The following ELP4 variants were observed in gnomAD, a reference collection of about 807,000 sequenced individuals.
ELP4 encodes the protein elongator acetyltransferase complex subunit 4, also known as elongator complex protein 4.
A neutral mutation model predicts 48.9 loss-of-function variants in ELP4; 51 were observed. The observed-to-expected ratio is 1.04, with a 90% CI of 0.83 to 1.32. The LOEUF (loss-of-function observed/expected upper bound fraction) is 1.32, where lower values mean the gene tolerates loss of function less well. Ranked by LOEUF, ELP4 falls within the 40% of genes most tolerant of loss-of-function variation. The pLI, the probability that ELP4 is intolerant of heterozygous loss-of-function variation, is 0.00. For synonymous variants in ELP4, 210 were observed against 189.2 expected, an observed-to-expected ratio of 1.11 and a Z score of -0.90; for missense variants, 519 against 514.6, an observed-to-expected ratio of 1.01 and a Z score of -0.08.
rs1948775329 is a variant in ELP4, at chr11:31,787,851, T to C, written c.*4327T>C. ...CAGTAGATATTGAACGAGAAGGTCATGTTTAAATCCTTCCATTAATTTCTA... is the reference window on the plus strand; with the variant it reads ...CAGTAGATATTGAACGAGAAGGTCACGTTTAAATCCTTCCATTAATTTCTA... On this transcript the variant is annotated 3_prime_UTR_variant, in exon 10 of 10. Coordinates refer to ENST00000640961, the MANE Select transcript of ELP4 (RefSeq NM_019040.5). The C allele has an allele frequency of 4.5e-6, 1 of 224,290 alleles. No homozygotes were observed. Among genetic ancestry groups the C allele is most frequent in the Non-Finnish European group, 8.9e-6 (1 of 112,462 alleles). 13.9% of individuals were successfully genotyped at this position (224,290 alleles called of 1,614,324 possible).
chr11:31,757,023 C>T (rs1360340729), intron 9 of ELP4, among the ~76,000 whole-genome samples: 1 of 152,156 alleles, frequency 6.6e-6, no homozygotes, highest in African/African-American at 2.4e-5. Flanking sequence ...TTAAACTTGA[C>T]AATGCCAGTT....
chr11:31,526,652 A>C (rs924068399), intron 2 of ELP4, among the ~76,000 whole-genome samples: 7 of 152,048 alleles, frequency 4.6e-5, no homozygotes, highest in Non-Finnish European at 1.0e-4. Flanking sequence ...ATCAATCCTC[A>C]AAACTTACCT....
At chr11:31,650,015 C>T (rs1480926861) in intron 8 of ELP4, 100 bp from the exon 9 acceptor site, 3 of 510,632 alleles carry the variant, frequency 5.9e-6, no homozygotes, top group Non-Finnish European at 1.1e-5. Flanking sequence ...GGGGAGGATG[C>T]TTGTGTGTAA....
rs750977310 is a variant in ELP4, at chr11:31,594,829, C to T, written c.441C>T (p.Tyr147=). The change falls in exon 4 of 10, where the codon TAC becomes TAT. Residue 147 remains tyrosine (Y), a synonymous_variant. Coordinates refer to ENST00000640961, the MANE Select transcript of ELP4 (RefSeq NM_019040.5). ...AAAAGGAATTTGATGAAGATGTATA[C>T]AATCATAAAACACCAGAATCTAATA... ...KCKKEFDEDV[Y]NHKTPESNIK... is the part of the protein sequence containing the mutation. 1 of 1,553,164 alleles carries T rather than the reference C, an allele frequency of 6.4e-7. No individual in the cohort carries two copies. The highest frequency in any genetic ancestry group is 8.7e-7 in the Non-Finnish European group (1 of 1,155,556).
At chr11:31,623,390 T>TATATATATATAAA (rs67986763) in intron 5 of ELP4, among the ~76,000 whole-genome samples, 5 of 92,610 alleles carry the variant, frequency 5.4e-5, no homozygotes, top group African/African-American at 1.8e-4. Context: ...TATATATATA[T>TATATATATATAAA]AAAACTAGAA....
intron 3 of ELP4, among the ~76,000 whole-genome samples, chr11:31,580,144 G>A (rs752973014): frequency 3.3e-5 from 5 of 152,018 alleles, no homozygotes; most frequent in African/African-American, 7.3e-5. Context: ...TTCAGAGAAG[G>A]CCTCTTGGGT....
At chr11:31,679,841 G>A (rs1037025515) in intron 9 of ELP4, among the ~76,000 whole-genome samples, 1 of 152,060 alleles carries the variant, frequency 6.6e-6, no homozygotes, top group Non-Finnish European at 1.5e-5. Flanking sequence ...TTTTTATTTG[G>A]ATTACGTTGA....
intron 3 of ELP4, among the ~76,000 whole-genome samples, chr11:31,559,616 G>T (rs1224072595): frequency 1.3e-5 from 2 of 152,070 alleles, no homozygotes; most frequent in African/African-American, 4.8e-5. Flanking sequence ...AAGAAAATCA[G>T]TTTTGGGCCG....
At chr11:31,655,119 A>G (rs1945402253) in intron 9 of ELP4, among the ~76,000 whole-genome samples, 1 of 152,026 alleles carries the variant, frequency 6.6e-6, no homozygotes, top group Non-Finnish European at 1.5e-5. Context: ...CTAATTTTTT[A>G]CATGTGTACA....
chr11:31,602,135 A>T (rs1482063643), intron 4 of ELP4, among the ~76,000 whole-genome samples: 1 of 152,054 alleles, frequency 6.6e-6, no homozygotes, highest in Non-Finnish European at 1.5e-5. Flanking sequence ...GTTTTTCTCA[A>T]TGAAGACATC....
intron 5 of ELP4, among the ~76,000 whole-genome samples, chr11:31,611,388 C>T (rs1286576830): frequency 2.0e-5 from 3 of 152,146 alleles, no homozygotes; most frequent in African/African-American, 7.2e-5. Context: ...TGAGTCGGCT[C>T]TTATCACTAC....
rs923064903 is a variant in ELP4, at chr11:31,676,917, A to AT, written c.1143+26702dup. On this transcript the variant is annotated intron_variant, in intron 9 of 9. Transcript: ENST00000640961. The stretch of plus-strand genomic sequence containing the variant: ...CAATATTTTTATTTATATTTACATC[A>AT]TTTTTTAAAACCATGTACCTCCTCA... 2.0e-4 allele frequency among the ~76,000 whole-genome samples: 30 copies of AT among 152,266 alleles called. No individual in the cohort carries two copies. The South Asian group carries it at 2.5e-3, about 13-fold the overall frequency.
intron 9 of ELP4, among the ~76,000 whole-genome samples, chr11:31,750,161 G>A (rs1947690352): frequency 1.3e-5 from 2 of 152,054 alleles, no homozygotes; most frequent in African/African-American, 4.8e-5. Flanking sequence ...ACCACGCCCG[G>A]CCAACTTTTA....
At chr11:31,776,546 C>G (rs913114062) in intron 9 of ELP4, among the ~76,000 whole-genome samples, 2 of 152,226 alleles carry the variant, frequency 1.3e-5, no homozygotes, top group African/African-American at 4.8e-5. Context: ...ATCTTTGCCA[C>G]AGACACATGC....
intron 9 of ELP4, among the ~76,000 whole-genome samples, chr11:31,757,725 C>T (rs1947859989): frequency 6.6e-6 from 1 of 151,952 alleles, no homozygotes; most frequent in South Asian, 2.1e-4. Flanking sequence ...TTAAGAGAAC[C>T]CTGGGCCTGA....
intron 9 of ELP4, among the ~76,000 whole-genome samples, chr11:31,719,180 C>A (rs1309950956): frequency 6.6e-6 from 1 of 151,698 alleles, no homozygotes; most frequent in Non-Finnish European, 1.5e-5. Flanking sequence ...ATCTCTTGAG[C>A]CCGAGAGGTT....
At chr11:31,757,856 A>G (rs1009893205) in intron 9 of ELP4, among the ~76,000 whole-genome samples, 2 of 152,208 alleles carry the variant, frequency 1.3e-5, no homozygotes, top group South Asian at 2.1e-4. Context: ...TTGTATTTCT[A>G]TATAAATGTG....
At chr11:31,739,630 G>A (rs1453231607) in intron 9 of ELP4, among the ~76,000 whole-genome samples, 1 of 152,082 alleles carries the variant, frequency 6.6e-6, no homozygotes, top group Non-Finnish European at 1.5e-5. Context: ...TAAGATTCAT[G>A]CTATATTGCC....
chr11:31,676,896 A>G (rs1313390950), intron 9 of ELP4, among the ~76,000 whole-genome samples: 1 of 152,144 alleles, frequency 6.6e-6, no homozygotes, highest in African/African-American at 2.4e-5. Flanking sequence ...AATTATCAAT[A>G]TTTTTATTTA....
Sources: allele counts gnomAD v4.1 joint callset (sites outside exome capture counted in the v4.1 genomes callset), GRCh38; gene constraint gnomAD v4.1.1; transcripts MANE v1.5; gene names NCBI Gene and HGNC (gene_info 2026-07-23, HGNC 2026-07-21).